Variants in DOCK6 observed in about 807,000 individuals in gnomAD.
DOCK6 encodes dedicator of cytokinesis protein 6.
In DOCK6, 167 loss-of-function variants were observed where a neutral mutation model predicts 230.3. The ratio of observed to expected loss-of-function variants is 0.73; its 90% confidence interval spans 0.64 to 0.82. The LOEUF is 0.82. DOCK6 is among the 40% of genes least tolerant of loss of function. The pLI, the probability that DOCK6 is intolerant of heterozygous loss-of-function variation, is 0.00. For synonymous variants in DOCK6, 1,148 were observed against 1,185.0 expected (o/e 0.97, Z 0.64); for missense variants, 2,598 against 2,825.8 (o/e 0.92, Z 1.83).
intron 7 of DOCK6, 82 bp from the exon 8 acceptor site, chr19:11,245,960 G>C (rs770528515): frequency 2.0e-6 from 3 of 1,495,526 alleles, no homozygotes; most frequent in Non-Finnish European, 2.7e-6. Context: ...GGCCCAAGGT[G>C]GGGGGCATCT....
In DOCK6 at chr19:11,236,547, C is replaced by T; in HGVS notation, c.2191G>A (p.Val731Met). ...AAGGCTCCCTCCTCCAGGACGTGCA[C>T]CAGGGTGAAGAATTTGTCCAGGTAG... Reference protein sequence around the residue: ...DPYLDKFFTLVHVLEEGAFPF... With the variant: ...DPYLDKFFTLMHVLEEGAFPF... The change falls in exon 20 of 48, where the codon GTG (valine) becomes ATG (methionine). Residue 731 changes from valine (V) to methionine (M), a missense_variant. Val to Met is a conservative substitution (Grantham distance 21). Coordinates refer to ENST00000294618, the MANE Select transcript of DOCK6 (RefSeq NM_020812.4). This position sits in a 1 kb window ranked among gnomAD's most constrained non-coding sequence, Gnocchi z 5.2. 1 of 1,600,046 alleles carries T rather than the reference C, an allele frequency of 6.2e-7. No individual in the cohort carries two copies. The highest frequency in any genetic ancestry group is 1.7e-4 in the Middle Eastern group (1 of 5,994).
At position 11,201,942 on chromosome 19, in the gene DOCK6, C is replaced by T. The variant is rs771745764; in HGVS notation, c.5635G>A (p.Asp1879Asn). The T allele has an allele frequency of 1.8e-5, 29 of 1,608,742 alleles. No individual in the cohort carries two copies. The highest frequency in any genetic ancestry group is 1.8e-4 in the South Asian group (16 of 90,446). Residue 1879 changes from aspartate to asparagine, a missense_variant, in exon 44 of 48, where the codon GAC becomes AAC. By Grantham distance (23) the Asp-to-Asn change is conservative (BLOSUM62 1). Transcript: ENST00000294618. The surrounding 1 kb of genome is among the most constrained non-coding windows in gnomAD (Gnocchi z 4.3). ...QHKRKTLLST[D>N]HAFPYIKTRI... ...GTCTTGATGTAGGGGAAGGCGTGGT[C>T]GGTGCTGAGCAGCGTCTTACGCTTG...
In DOCK6 at chr19:11,222,668, A is replaced by G; in HGVS notation, c.3240+67T>C. 6.8e-7 allele frequency: 1 copy of G among 1,463,052 alleles called. No homozygotes were observed. The highest frequency in any genetic ancestry group is 2.5e-5 in the East Asian group (1 of 40,252). 90.6% of individuals were successfully genotyped at this position (1,463,052 alleles called of 1,614,324 possible). On this transcript the variant is annotated intron_variant, in intron 26 of 47. Coordinates refer to ENST00000294618, the MANE Select transcript of DOCK6 (RefSeq NM_020812.4). This position sits in a 1 kb window ranked among gnomAD's most constrained non-coding sequence, Gnocchi z 4.0. Reference sequence around the variant, plus strand: ...TGAAAGGGACAGAGATGAGGGAACCATAGGAGATGGACTGAAGGTGAGAGG... The same window carrying G: ...TGAAAGGGACAGAGATGAGGGAACCGTAGGAGATGGACTGAAGGTGAGAGG...
intron 39 of DOCK6, chr19:11,208,460 T>C (rs1032381811): frequency 6.6e-5 from 30 of 457,398 alleles, no homozygotes; most frequent in Middle Eastern, 6.1e-4. Context: ...TTTGTATTTT[T>C]AGTAGAGACA....
At chr19:11,260,736 A>G (rs1267927347) in intron 1 of DOCK6, among the ~76,000 whole-genome samples, 1 of 151,372 alleles carries the variant, frequency 6.6e-6, no homozygotes, top group African/African-American at 2.4e-5. Flanking sequence ...TACAAAAATT[A>G]GCTGGGTGTG....
Position 11,222,301 on chromosome 19 carries a change from C to T in DOCK6, c.3241-53G>A. On this transcript the variant is annotated intron_variant, in intron 26 of 47. Transcript: ENST00000294618. The surrounding 1 kb of genome is among the most constrained non-coding windows in gnomAD (Gnocchi z 4.0). Reference sequence around the variant, plus strand: ...GCCAGCGGTCAAGGGTCAGAGGTGGCAGGTCACCATTAAAGCCATCTTGGA... The same window carrying T: ...GCCAGCGGTCAAGGGTCAGAGGTGGTAGGTCACCATTAAAGCCATCTTGGA... 2.6e-6 allele frequency: 4 copies of T among 1,554,702 alleles called. No individual in the cohort carries two copies. Among genetic ancestry groups the T allele is most frequent in the Non-Finnish European group, 3.5e-6 (4 of 1,147,846 alleles).
At chr19:11,215,516 G>T in intron 31 of DOCK6, 45 bp from the exon 32 acceptor site, 1 of 1,553,582 alleles carries the variant, frequency 6.4e-7, no homozygotes, top group Non-Finnish European at 8.8e-7. Flanking sequence ...AAAACACAGG[G>T]CACACGTGAA....
chr19:11,221,901 G>A lies in DOCK6; in HGVS notation c.3500C>T (p.Pro1167Leu). 6.2e-7 allele frequency: 1 copy of A among 1,613,402 alleles called. No homozygotes were observed. Among genetic ancestry groups the A allele is most frequent in the South Asian group, 1.1e-5 (1 of 91,092 alleles). Residue 1167 changes from proline to leucine, a missense_variant, in exon 28 of 48, where the codon CCA (proline) becomes CTA (leucine). Transcript: ENST00000294618. ...GGTATCCCGTGCAATCGATAGCAGT[G>A]GCAGGTACAGCTCGGCCACACGAGC... is the stretch of plus-strand genomic sequence containing the variant. ...VKARVAELYL[P>L]LLSIARDTLP... is the part of the protein sequence containing the mutation.
At chr19:11,215,761 G>C in intron 31 of DOCK6, 40 bp downstream of exon 31, 4 of 1,611,376 alleles carry the variant, frequency 2.5e-6, no homozygotes, top group Non-Finnish European at 3.4e-6. Flanking sequence ...GGTGGGAGCA[G>C]CTGGTGGGAT....
At chr19:11,232,855 T>C (rs2079788933) in intron 22 of DOCK6, among the ~76,000 whole-genome samples, 1 of 150,510 alleles carries the variant, frequency 6.6e-6, no homozygotes, top group Non-Finnish European at 1.5e-5. Flanking sequence ...TATATGCACC[T>C]GTGTATGTAT....
chr19:11,218,012 C>T lies in DOCK6; in HGVS notation c.3551-621G>A, dbSNP rs569185141. ...GATTACAGGCACCCGCCACCACACCCGGCTAATTTTTGTATTTTTAGTAGA... is the reference window on the plus strand; with the variant it reads ...GATTACAGGCACCCGCCACCACACCTGGCTAATTTTTGTATTTTTAGTAGA... On this transcript the variant is annotated intron_variant, in intron 28 of 47. Coordinates refer to ENST00000294618, the MANE Select transcript of DOCK6 (RefSeq NM_020812.4). 7.9e-5 allele frequency among the ~76,000 whole-genome samples: 12 copies of T among 151,830 alleles called. No individual in the cohort carries two copies. The South Asian group carries it at 1.0e-3, about 13-fold the overall frequency.
rs775559055 is a variant in DOCK6 at position 11,245,830 on chromosome 19, A to T, written c.855T>A (p.Asp285Glu). 1 of 1,573,508 alleles carries T rather than the reference A, an allele frequency of 6.4e-7. No homozygotes were observed. Among genetic ancestry groups the T allele is most frequent in the Admixed American group, 1.9e-5 (1 of 53,242 alleles). ...EPIFGILALY[D>E]VREKKKISEN... ...CTCCTACCTTCTTTTTCTCCCGCAC[A>T]TCATACAGAGCCAAGATCCCAAAGA... The change falls in exon 8 of 48, where the codon GAT becomes GAA. Residue 285 changes from aspartate (D) to glutamate (E), a missense_variant. Coordinates refer to ENST00000294618, the MANE Select transcript of DOCK6 (RefSeq NM_020812.4).
intron 22 of DOCK6, 148 bp downstream of exon 22, chr19:11,233,055 G>T: frequency 8.8e-7 from 1 of 1,138,564 alleles, no homozygotes; most frequent in Non-Finnish European, 1.2e-6. Context: ...ACCTGTGACA[G>T]CCCAGCCCAA....
chr19:11,219,350 A>AT (rs557147060), intron 28 of DOCK6, among the ~76,000 whole-genome samples: 5,899 of 137,292 alleles, frequency 0.043, 401 homozygotes, highest in African/African-American at 0.15. Flanking sequence ...TGCCTGCCTA[A>AT]TTTTTTTTTT....
chr19:11,243,578 G>A lies in DOCK6; in HGVS notation c.1237C>T (p.Arg413Trp), dbSNP rs763398919. The part of the protein sequence containing the change: ...NIVSSAGQLD[R>W]DSDSEGERRP... ...TCACCGCCCTCCGAGTCAGAGTCCCGGTCCAGCTGCCCAGCGCTGCTCACG... is the reference window on the plus strand; with the variant it reads ...TCACCGCCCTCCGAGTCAGAGTCCCAGTCCAGCTGCCCAGCGCTGCTCACG... The change falls in exon 11 of 48, where the codon CGG (arginine) becomes TGG (tryptophan). Residue 413 changes from arginine to tryptophan, a missense_variant. Physicochemically the swap from Arg to Trp is moderately radical, Grantham distance 101 (BLOSUM62 -3). Coordinates refer to ENST00000294618, the MANE Select transcript of DOCK6 (RefSeq NM_020812.4). The surrounding 1 kb of genome is among the most constrained non-coding windows in gnomAD (Gnocchi z 6.3). 6 of 1,607,036 alleles carry A rather than the reference G, an allele frequency of 3.7e-6. No individual in the cohort carries two copies. The highest frequency in any genetic ancestry group is 1.7e-5 in the Admixed American group (1 of 59,112).
rs375955506 is a variant in DOCK6 at position 11,261,585 on chromosome 19, C to A, written c.44+812G>T. 9.8e-5 allele frequency among the ~76,000 whole-genome samples: 15 copies of A among 152,298 alleles called. No homozygotes were observed. In the East Asian group the frequency reaches 1.7e-3, roughly 18 times the overall value. ...GCACCCTTGTCGCAAAGACCCCCCG[C>A]CAACTGGGGGCGAGGCTTTTCAGCC... On this transcript the variant is annotated intron_variant, in intron 1 of 47. Transcript: ENST00000294618.
chr19:11,224,540 C>T (rs1042825128), intron 24 of DOCK6, among the ~76,000 whole-genome samples: 2 of 152,054 alleles, frequency 1.3e-5, no homozygotes, highest in Admixed American at 1.3e-4. Context: ...CCTTAACAGA[C>T]GGGGGTGACA....
At chr19:11,207,025 G>C (rs757210753) in intron 39 of DOCK6, among the ~76,000 whole-genome samples, 19 of 151,810 alleles carry the variant, frequency 1.3e-4, no homozygotes, top group Non-Finnish European at 2.8e-4. Context: ...AGTAGACATG[G>C]GGTTTCACCA....
intron 7 of DOCK6, 197 bp downstream of exon 7, chr19:11,247,869 C>A: frequency 1.7e-6 from 1 of 580,104 alleles, no homozygotes; most frequent in South Asian, 2.0e-5. Flanking sequence ...TCCTGGCATA[C>A]AATTGGCACT....
Sources: gnomAD v4.1 joint callset for allele counts (sites outside exome capture counted in the v4.1 genomes callset) on GRCh38, gnomAD v4.1.1 for gene constraint, Gnocchi (gnomAD v3.1) non-coding constraint, MANE v1.5 for transcripts, NCBI Gene and HGNC (gene_info 2026-07-23, HGNC 2026-07-21) for gene names.